Variants in CLIC5 observed in about 807,000 individuals in gnomAD.
The protein encoded by CLIC5 is chloride intracellular channel protein 5.
Under a neutral mutation model 24.7 loss-of-function variants are expected in CLIC5, and 20 were observed. The observed-to-expected ratio is 0.81, with a 90% confidence interval of 0.57 to 1.18. The LOEUF (loss-of-function observed/expected upper bound fraction) is 1.18. Among genes scored for constraint, CLIC5 ranks in the 50% most tolerant of loss-of-function variants. CLIC5 has a pLI of 0.00. For missense variants in CLIC5, 341 were observed against 326.1 expected (o/e 1.05, Z -0.35); for synonymous variants, 159 against 135.6 (o/e 1.17, Z -1.20).
intron 1 of CLIC5, among the ~76,000 whole-genome samples, chr6:46,076,530 G>A (rs1581923349): frequency 6.6e-6 from 1 of 152,250 alleles, no homozygotes; most frequent in Middle Eastern, 3.4e-3. Context: ...TGGGCCATGC[G>A]CGAGGAATGA....
chr6:45,891,929 A>G (rs1762351676), intron 6 of CLIC5, among the ~76,000 whole-genome samples: 1 of 152,236 alleles, frequency 6.6e-6, no homozygotes, highest in Admixed American at 6.5e-5. Context: ...AGAAAACTAT[A>G]TGTACTTATA....
chr6:45,915,245 T>A (rs4714886), intron 4 of CLIC5, among the ~76,000 whole-genome samples: 8,720 of 152,040 alleles, frequency 0.057, 637 homozygotes, highest in African/African-American at 0.17. Flanking sequence ...GCCATTTTTT[T>A]AAAAAGTTTT....
intron 1 of CLIC5, among the ~76,000 whole-genome samples, chr6:45,969,330 G>A (rs1765118176): frequency 6.6e-6 from 1 of 152,098 alleles, no homozygotes; most frequent in Non-Finnish European, 1.5e-5. Flanking sequence ...GCTGCTTCTG[G>A]GCTCTGCCTT....
intron 1 of CLIC5, among the ~76,000 whole-genome samples, chr6:46,009,456 C>T (rs1194130041): frequency 6.6e-6 from 1 of 152,022 alleles, no homozygotes; most frequent in African/African-American, 2.4e-5. Context: ...TTTAAGACAC[C>T]CTGGGTAGAG....
chr6:45,896,449 A>G (rs995263945), downstream of CLIC5, among the ~76,000 whole-genome samples: 13 of 152,358 alleles, frequency 8.5e-5, no homozygotes, highest in African/African-American at 3.1e-4. Flanking sequence ...TCAAGGGCAC[A>G]TGGTAATTTA....
At chr6:45,916,947 C>A (rs1353461349) in intron 4 of CLIC5, among the ~76,000 whole-genome samples, 2 of 152,144 alleles carry the variant, frequency 1.3e-5, no homozygotes, top group Non-Finnish European at 2.9e-5. Flanking sequence ...GGAGACAAGG[C>A]AACAGGGAAA....
intron 1 of CLIC5, among the ~76,000 whole-genome samples, chr6:46,002,760 C>A (rs538953228): frequency 6.6e-6 from 1 of 152,306 alleles, no homozygotes; most frequent in South Asian, 2.1e-4. Flanking sequence ...GACTTGAGAA[C>A]AGGTGCGTCT....
intron 6 of CLIC5, among the ~76,000 whole-genome samples, chr6:45,887,396 C>A (rs1255069978): frequency 6.6e-6 from 1 of 152,190 alleles, no homozygotes; most frequent in Non-Finnish European, 1.5e-5. Context: ...TCTGTCTTCA[C>A]ACGGCTGTCT....
chr6:45,997,418 T>TG (rs1766187235), intron 1 of CLIC5, among the ~76,000 whole-genome samples: 1 of 145,586 alleles, frequency 6.9e-6, no homozygotes, highest in Middle Eastern at 3.6e-3. Context: ...GATGAGTTAG[T>TG]GGGTGCAGCG....
intron 1 of CLIC5, among the ~76,000 whole-genome samples, chr6:46,036,154 T>C (rs1179303903): frequency 1.3e-5 from 2 of 152,192 alleles, no homozygotes; most frequent in African/African-American, 2.4e-5. Context: ...TTAACGATCT[T>C]TCAAACTCAG....
chr6:46,071,156 A>G (rs910516279), intron 1 of CLIC5, among the ~76,000 whole-genome samples: 2 of 152,224 alleles, frequency 1.3e-5, no homozygotes. Flanking sequence ...CATTCTGGGC[A>G]TAGAAACAGG....
intron 1 of CLIC5, among the ~76,000 whole-genome samples, chr6:46,010,588 G>A (rs923137220): frequency 2.6e-5 from 4 of 152,190 alleles, no homozygotes; most frequent in African/African-American, 7.2e-5. Context: ...GTCTTGCATG[G>A]AGGGGGCCAA....
chr6:45,951,012 T>G lies in CLIC5; in HGVS notation c.174-1631A>C, dbSNP rs138952737. ...ATTTATTTTCTAAGTAAATGCAACT[T>G]CTGCTTTGTGATGGGATTCAAATAG... is the stretch of plus-strand genomic sequence containing the variant. On this transcript the variant is annotated intron_variant, in intron 2 of 5. Coordinates refer to ENST00000339561, the MANE Select transcript of CLIC5 (RefSeq NM_016929.5). Among the ~76,000 whole-genome samples the G allele has an allele frequency of 2.1e-3, 321 of 152,318 alleles. 5 individuals carry two copies. The highest frequency in any genetic ancestry group is 7.2e-3 in the African/African-American group (298 of 41,540).
At chr6:45,884,206 C>A (rs1019170588) in intron 6 of CLIC5, among the ~76,000 whole-genome samples, 3 of 152,208 alleles carry the variant, frequency 2.0e-5, no homozygotes, top group Middle Eastern at 3.4e-3. Flanking sequence ...AGAAGGCAGC[C>A]ATAGAACTGG....
downstream of CLIC5, among the ~76,000 whole-genome samples, chr6:45,895,496 T>TA (rs1382848312): frequency 1.3e-5 from 2 of 152,198 alleles, no homozygotes; most frequent in Admixed American, 1.3e-4. Context: ...TTTCTCTCCT[T>TA]AGCTCTCTGT....
chr6:45,895,987 T>G (rs1762389927), downstream of CLIC5, among the ~76,000 whole-genome samples: 1 of 152,234 alleles, frequency 6.6e-6, no homozygotes, highest in Non-Finnish European at 1.5e-5. Flanking sequence ...TTTTTCTCAT[T>G]TCCACATTTT....
chr6:45,988,987 A>G (rs1480758798), intron 1 of CLIC5, among the ~76,000 whole-genome samples: 1 of 152,238 alleles, frequency 6.6e-6, no homozygotes, highest in African/African-American at 2.4e-5. Flanking sequence ...CTAGGGTCCA[A>G]GGCTCTCCCC....
At chr6:46,033,729 A>C (rs144107493) in intron 1 of CLIC5, among the ~76,000 whole-genome samples, 134 of 152,304 alleles carry the variant, frequency 8.8e-4, no homozygotes, top group African/African-American at 2.8e-3. Flanking sequence ...TCATAGAGGA[A>C]TTTATCTCTA....
chr6:45,911,807 A>G, intron 5 of CLIC5: 1 of 985,486 alleles, frequency 1.0e-6, no homozygotes, highest in Non-Finnish European at 1.2e-6. Context: ...AAAGGCCTGC[A>G]GATGCCTCTC....
Sources: allele counts gnomAD v4.1 joint callset (sites outside exome capture counted in the v4.1 genomes callset), GRCh38; gene constraint gnomAD v4.1.1; transcripts MANE v1.5; gene names NCBI Gene and HGNC (gene_info 2026-07-23, HGNC 2026-07-21).